Variants in KIF11 observed in about 807,000 individuals in gnomAD.
The protein encoded by KIF11 is kinesin-like protein KIF11.
KIF11 carries 9 observed loss-of-function variants against 121.0 expected under a neutral mutation model. The ratio of observed to expected loss-of-function variants is 0.07; its 90% CI spans 0.04 to 0.13. The LOEUF is 0.13. Among genes scored for constraint, KIF11 ranks in the 10% least tolerant of loss-of-function variants. KIF11 has a pLI of 1.00. For missense variants in KIF11, 846 were observed against 1,217.5 expected (o/e 0.69, Z 4.54); for synonymous variants, 408 against 421.0 (o/e 0.97, Z 0.38).
At position 92,606,296 on chromosome 10, in the gene KIF11, G is replaced by A. The variant is rs754165708; in HGVS notation, c.109G>A (p.Ala37Thr). 7 of 1,604,464 alleles carry A rather than the reference G, an allele frequency of 4.4e-6. No individual in the cohort carries two copies. Among genetic ancestry groups the A allele is most frequent in the Middle Eastern group, 1.7e-4 (1 of 6,048 alleles). The change falls in exon 2 of 22, where the codon GCC (alanine) becomes ACC (threonine). Residue 37 changes from alanine to threonine, a missense_variant. Transcript: ENST00000260731. Reference sequence around the variant, plus strand: ...TAATTTGGCAGAGCGGAAAGCTAGCGCCCATTCAATAGTAGAATGTGATCC... The same window carrying A: ...TAATTTGGCAGAGCGGAAAGCTAGCACCCATTCAATAGTAGAATGTGATCC... ...PFNLAERKASAHSIVECDPVR... is the reference protein window; with the variant it reads ...PFNLAERKASTHSIVECDPVR...
intron 5 of KIF11, 60 bp downstream of exon 5, chr10:92,609,265 T>TGAGA: frequency 8.0e-7 from 1 of 1,245,798 alleles, no homozygotes; most frequent in Admixed American, 2.6e-5. Context: ...CTTTGAGAAG[T>TGAGA]CAGAGAGAGA....
At chr10:92,612,273 C>T in intron 6 of KIF11, among the ~76,000 whole-genome samples, 1 of 151,942 alleles carries the variant, frequency 6.6e-6, no homozygotes, top group East Asian at 1.9e-4. Context: ...GTAGCTGGAA[C>T]TGTAGGAGCG....
rs1050789609 is a variant in KIF11, at chr10:92,593,305, C to G, written c.-71C>G. 6.7e-7 allele frequency: 1 copy of G among 1,496,016 alleles called. No homozygotes were observed. The highest frequency in any genetic ancestry group is 9.1e-7 in the Non-Finnish European group (1 of 1,101,694). 92.7% of individuals were successfully genotyped at this position (1,496,016 alleles called of 1,614,324 possible). On this transcript the variant is annotated 5_prime_UTR_variant, in exon 1 of 22. Coordinates refer to ENST00000260731, the MANE Select transcript of KIF11 (RefSeq NM_004523.4). ...CCAGGGAGACTCCGGCCCCTGTCGG[C>G]CGCCAAGCCCCTCCGCCCCTCACAG...
In KIF11 at chr10:92,654,943, A is replaced by G. The variant is rs1845029703; in HGVS notation, c.*1147A>G. 1 of 152,650 alleles carries G rather than the reference A, an allele frequency of 6.6e-6. No homozygotes were observed. Among genetic ancestry groups the G allele is most frequent in the Admixed American group, 6.5e-5 (1 of 15,284 alleles). 9.5% of individuals were successfully genotyped at this position (152,650 alleles called of 1,614,324 possible). ...CTGTTTGAAACTTCCAATTATGTCT[A>G]TAATTTATATTCTTTTGTTTACATG... On this transcript the variant is annotated 3_prime_UTR_variant, in exon 22 of 22. Transcript: ENST00000260731.
At chr10:92,635,059 A>G (rs1467078198) in intron 14 of KIF11, among the ~76,000 whole-genome samples, 2 of 152,168 alleles carry the variant, frequency 1.3e-5, no homozygotes, top group Non-Finnish European at 2.9e-5. Flanking sequence ...TCTTTATTTT[A>G]TAATTGTATG....
intron 13 of KIF11, among the ~76,000 whole-genome samples, chr10:92,633,069 T>TG (rs1844756740): frequency 1.3e-5 from 2 of 151,040 alleles, no homozygotes; most frequent in Non-Finnish European, 3.0e-5. Context: ...GCAACTTTTT[T>TG]TGGGGGGGGC....
intron 10 of KIF11, among the ~76,000 whole-genome samples, chr10:92,623,146 C>T (rs915900100): frequency 2.0e-5 from 3 of 152,118 alleles, no homozygotes; most frequent in African/African-American, 4.8e-5. Flanking sequence ...TTTGTGTAAC[C>T]ACCACTGCAA....
intron 10 of KIF11, among the ~76,000 whole-genome samples, chr10:92,621,903 T>G (rs1475337853): frequency 6.6e-6 from 1 of 152,226 alleles, no homozygotes; most frequent in Non-Finnish European, 1.5e-5. Flanking sequence ...CATTAATTCA[T>G]GTGAAGTTTC....
chr10:92,605,482 A>ATTTTTTT lies in KIF11; in HGVS notation c.78-768_78-762dup, dbSNP rs58660991. ...CTACATCATAACCTAATTTGATCGG[A>ATTTTTTT]TTTTTTTTTTTTTTTTTTTTTGAGA... is the stretch of plus-strand genomic sequence containing the variant. On this transcript the variant is annotated intron_variant, in intron 1 of 21. Coordinates refer to ENST00000260731, the MANE Select transcript of KIF11 (RefSeq NM_004523.4). Among the ~76,000 whole-genome samples the ATTTTTTT allele has an allele frequency of 2.5e-3, 244 of 98,292 alleles. 6 individuals carry two copies. Among genetic ancestry groups the ATTTTTTT allele is most frequent in the African/African-American group, 7.8e-3 (190 of 24,252 alleles). 64.5% of individuals were successfully genotyped at this position (98,292 alleles called of 152,430 possible). A position where few individuals can be genotyped will look rare whatever the true frequency, so the allele number is the denominator to read the frequency against.
At position 92,654,868 on chromosome 10, in the gene KIF11, C is replaced by A. The variant is rs1235456588; in HGVS notation, c.*1072C>A. On this transcript the variant is annotated 3_prime_UTR_variant, in exon 22 of 22. Coordinates refer to ENST00000260731, the MANE Select transcript of KIF11 (RefSeq NM_004523.4). ...AGACATCTGACTAATGGCTCTGTGCCCACACTCCAAGACCTGTGCCTTTTA... is the reference window on the plus strand; with the variant it reads ...AGACATCTGACTAATGGCTCTGTGCACACACTCCAAGACCTGTGCCTTTTA... 2 of 151,636 alleles carry A rather than the reference C, an allele frequency of 1.3e-5. No individual in the cohort carries two copies. Among genetic ancestry groups the A allele is most frequent in the Admixed American group, 6.6e-5 (1 of 15,114 alleles). The allele number at this position is 151,636 out of a possible 1,614,324, so 9.4% of individuals were successfully genotyped here. A position where few individuals can be genotyped will look rare whatever the true frequency, so the allele number is the denominator to read the frequency against.
intron 11 of KIF11, among the ~76,000 whole-genome samples, chr10:92,629,158 A>G (rs998933069): frequency 1.2e-4 from 18 of 151,606 alleles, no homozygotes; most frequent in Non-Finnish European, 2.5e-4. Context: ...TTTTTTTTGT[A>G]TTTTTAGTAG....
rs1297261069 is a variant in KIF11, at chr10:92,609,299, AGAGAGTGTGTGT to A, written c.574-84_574-73del. On this transcript the variant is annotated intron_variant, in intron 5 of 21. Coordinates refer to ENST00000260731, the MANE Select transcript of KIF11 (RefSeq NM_004523.4). The stretch of plus-strand genomic sequence containing the variant: ...GAGAGAGAGAGAGAGAGAGAGAGAG[AGAGAGTGTGTGT>A]GTGTGTGTGTGTGTGTGTGTGTGTG... 3.7e-3 allele frequency: 2,605 copies of A among 711,202 alleles called. 7 individuals carry two copies. Among genetic ancestry groups the A allele is most frequent in the African/African-American group, 0.025 (757 of 30,058 alleles). 44.1% of individuals were successfully genotyped at this position (711,202 alleles called of 1,614,324 possible). A position where few individuals can be genotyped will look rare whatever the true frequency, so the allele number is the denominator to read the frequency against.
chr10:92,615,319 T>G (rs1344572149), intron 8 of KIF11, among the ~76,000 whole-genome samples: 1 of 151,702 alleles, frequency 6.6e-6, no homozygotes, highest in African/African-American at 2.4e-5. Context: ...GGCGGGAGAG[T>G]TGCTTGAACC....
chr10:92,597,440 T>C (rs1482806217), intron 1 of KIF11, among the ~76,000 whole-genome samples: 1 of 152,008 alleles, frequency 6.6e-6, no homozygotes, highest in Non-Finnish European at 1.5e-5. Context: ...ATTTTTTGTA[T>C]TTTTAGTAGA....
intron 21 of KIF11, among the ~76,000 whole-genome samples, chr10:92,651,960 CCT>C (rs1491121983): frequency 8.6e-6 from 1 of 116,760 alleles, no homozygotes; most frequent in African/African-American, 3.3e-5. Flanking sequence ...TATGCTTGTA[CCT>C]TTTTTTTTTT....
chr10:92,617,428 A>C (rs1463783437), intron 9 of KIF11, among the ~76,000 whole-genome samples: 1 of 152,206 alleles, frequency 6.6e-6, no homozygotes, highest in South Asian at 2.1e-4. Flanking sequence ...ATAGTATTCA[A>C]TTATATGCTG....
chr10:92,641,400 T>A lies in KIF11; in HGVS notation c.2267+1500T>A, dbSNP rs145543604. 5.1e-3 allele frequency among the ~76,000 whole-genome samples: 777 copies of A among 152,326 alleles called. 4 individuals carry two copies. Among genetic ancestry groups the A allele is most frequent in the African/African-American group, 0.018 (747 of 41,562 alleles). ...AATTGTTTTTCTTTGTCTAAGAATG[T>A]CTTGATTTCCCCTTCATTCCTGAAA... On this transcript the variant is annotated intron_variant, in intron 17 of 21. Transcript: ENST00000260731.
chr10:92,607,337 A>C lies in KIF11; in HGVS notation c.387+100A>C, dbSNP rs547685383. 108 of 656,378 alleles carry C rather than the reference A, an allele frequency of 1.6e-4. 1 individual carries two copies. Among genetic ancestry groups the C allele is most frequent in the Non-Finnish European group, 2.4e-4 (90 of 376,218 alleles). The allele number at this position is 656,378 out of a possible 1,614,324, so 40.7% of individuals were successfully genotyped here. ...TCTGTCTTGGAATAGAGATCAGAGT[A>C]CCTATGTCAAAATGAACTTAGGATA... On this transcript the variant is annotated intron_variant, in intron 4 of 21. Transcript: ENST00000260731.
At chr10:92,651,704 G>C (rs1407102917) in intron 21 of KIF11, among the ~76,000 whole-genome samples, 1 of 151,252 alleles carries the variant, frequency 6.6e-6, no homozygotes, top group Non-Finnish European at 1.5e-5. Flanking sequence ...GAACATAGTT[G>C]GTTTATGATT....
Sources: allele counts gnomAD v4.1 joint callset (sites outside exome capture counted in the v4.1 genomes callset), GRCh38; gene constraint gnomAD v4.1.1; transcripts MANE v1.5; gene names NCBI Gene and HGNC (gene_info 2026-07-23, HGNC 2026-07-21).